Variants in SNX27 observed in about 807,000 individuals in gnomAD.
SNX27 encodes sorting nexin 27.
SNX27 carries 22 observed loss-of-function variants against 71.6 expected under a neutral mutation model. The observed-to-expected ratio is 0.31, with a 90% CI of 0.22 to 0.44. SNX27 has a LOEUF of 0.44. Among genes scored for constraint, SNX27 ranks in the 20% least tolerant of loss-of-function variants. The pLI is 1.00. For synonymous variants in SNX27, 269 were observed against 277.2 expected, an observed-to-expected ratio of 0.97 and a Z score of 0.29; for missense variants, 531 against 698.6, an observed-to-expected ratio of 0.76 and a Z score of 2.70.
At chr1:151,689,042 C>G (rs1671319890) in intron 8 of SNX27, among the ~76,000 whole-genome samples, 3 of 152,084 alleles carry the variant, frequency 2.0e-5, no homozygotes, top group Admixed American at 2.0e-4. Flanking sequence ...AAGAAGTCCC[C>G]TGAAGGTCTT....
chr1:151,683,625 C>T (rs1466144243), intron 8 of SNX27, among the ~76,000 whole-genome samples, 180 bp downstream of exon 8: 1 of 133,142 alleles, frequency 7.5e-6, no homozygotes, highest in Non-Finnish European at 1.5e-5. Context: ...ACACAAAGAT[C>T]TTGAATTACT....
intron 7 of SNX27, among the ~76,000 whole-genome samples, chr1:151,681,811 T>C (rs1163161180): frequency 6.6e-6 from 1 of 152,240 alleles, no homozygotes; most frequent in East Asian, 1.9e-4. Flanking sequence ...AATCTAGTGT[T>C]AGTCTGCCTA....
intron 8 of SNX27, among the ~76,000 whole-genome samples, chr1:151,690,441 A>AT (rs1325159797): frequency 3.3e-5 from 5 of 151,596 alleles, no homozygotes; most frequent in Non-Finnish European, 5.9e-5. Context: ...TATCTTTTTT[A>AT]TTTTTATTTC....
intron 7 of SNX27, among the ~76,000 whole-genome samples, chr1:151,681,600 G>A (rs1437488831): frequency 6.6e-6 from 1 of 151,984 alleles, no homozygotes; most frequent in Non-Finnish European, 1.5e-5. Context: ...AAAATACTCT[G>A]GGAAATGCTT....
rs1326825451 is a variant in SNX27, at chr1:151,660,826, T to A, written c.765T>A (p.Ser255Arg). 1 of 1,613,056 alleles carries A rather than the reference T, an allele frequency of 6.2e-7. No individual in the cohort carries two copies. Residue 255 changes from serine (S) to arginine (R), a missense_variant, in exon 4 of 12, where the codon AGT (serine) becomes AGA (arginine). Physicochemically the swap from Ser to Arg is moderately radical, Grantham distance 110. This residue lies in a region of SNX27 where 184 missense variants were observed against 289.6 expected (regional missense o/e 0.64). Transcript: ENST00000458013. ...GTTCAATACGAGTAATTGGTGAGAG[T>A]GACATCATGCAGGAATTCCTATCAG... ...KVCSIRVIGESDIMQEFLSES... is the reference protein window; with the variant it reads ...KVCSIRVIGERDIMQEFLSES...
At chr1:151,683,314 A>AT in intron 7 of SNX27, 42 bp from the exon 8 acceptor site, 2 of 1,507,432 alleles carry the variant, frequency 1.3e-6, no homozygotes, top group Non-Finnish European at 1.8e-6. Flanking sequence ...CATAATAATG[A>AT]TTTTTACACT....
intron 1 of SNX27, among the ~76,000 whole-genome samples, chr1:151,615,350 CTCTTT>C (rs1343336653): frequency 6.6e-6 from 1 of 151,998 alleles, no homozygotes; most frequent in Non-Finnish European, 1.5e-5. Flanking sequence ...CAGTGTCTTT[CTCTTT>C]TCTTTTTTTT....
At chr1:151,693,624 G>A in intron 11 of SNX27, 141 bp downstream of exon 11, 2 of 1,613,780 alleles carry the variant, frequency 1.2e-6, no homozygotes, top group Non-Finnish European at 1.7e-6. Context: ...TATCTCATGT[G>A]AGCCAGGACA....
rs529482243 is a variant in SNX27 at position 151,656,049 on chromosome 1, C to T, written c.544-2186C>T. 5.5e-4 allele frequency among the ~76,000 whole-genome samples: 83 copies of T among 152,104 alleles called. 2 individuals carry two copies. The highest frequency in any genetic ancestry group is 2.0e-3 in the African/African-American group (82 of 41,516). ...CCATCCTGGCTAACACGGTGAAACC[C>T]CGTCTCTACTAAAAATACAAAAAAT... On this transcript the variant is annotated intron_variant, in intron 2 of 11. Transcript: ENST00000458013.
chr1:151,667,088 A>C (rs1214690437), intron 6 of SNX27: 1 of 151,756 alleles, frequency 6.6e-6, no homozygotes, highest in South Asian at 2.1e-4. Context: ...TGCCATCTCT[A>C]AAAAAATTTT....
At chr1:151,628,628 A>G (rs569033237) in intron 1 of SNX27, among the ~76,000 whole-genome samples, 3 of 152,260 alleles carry the variant, frequency 2.0e-5, no homozygotes, top group South Asian at 4.1e-4. Flanking sequence ...GTTGCTCCAC[A>G]TCCTCACCAG....
At position 151,658,308 on chromosome 1, in the gene SNX27, A is replaced by G. The variant is rs1432259862; in HGVS notation, c.617A>G (p.Asn206Ser). The change falls in exon 3 of 12, where the codon AAC (asparagine) becomes AGC (serine). Residue 206 changes from asparagine to serine, a missense_variant. Asn to Ser is a conservative substitution (Grantham distance 46). Around this residue, in one of 5 missense-constraint regions of SNX27, gnomAD observed 184 missense variants for 289.6 expected, o/e 0.64. Coordinates refer to ENST00000458013, the MANE Select transcript of SNX27 (RefSeq NM_001330723.2). ...CGGGAGTTTGCTATCCTACACCAGA[A>G]CCTGAAGAGAGAGTTTGCCAACTTT... ...RYREFAILHQ[N>S]LKREFANFTF... 1 of 1,614,150 alleles carries G rather than the reference A, an allele frequency of 6.2e-7. No individual in the cohort carries two copies. Among genetic ancestry groups the G allele is most frequent in the Non-Finnish European group, 8.5e-7 (1 of 1,180,020 alleles).
At chr1:151,634,863 C>T (rs933278885) in intron 1 of SNX27, among the ~76,000 whole-genome samples, 11 of 152,086 alleles carry the variant, frequency 7.2e-5, no homozygotes, top group Non-Finnish European at 1.6e-4. Flanking sequence ...TTTGCTTAAT[C>T]GCATATGTGT....
intron 1 of SNX27, among the ~76,000 whole-genome samples, chr1:151,622,284 GA>G (rs1043411672): frequency 1.3e-5 from 2 of 152,050 alleles, no homozygotes; most frequent in African/African-American, 4.8e-5. Context: ...TGTCATGATA[GA>G]TTACACTATC....
intron 1 of SNX27, among the ~76,000 whole-genome samples, chr1:151,618,329 T>G (rs1054051260): frequency 1.3e-5 from 2 of 152,224 alleles, no homozygotes; most frequent in Non-Finnish European, 2.9e-5. Flanking sequence ...TATTGCTATC[T>G]TTACCCTGTT....
chr1:151,640,164 G>T (rs1048790133), intron 2 of SNX27, among the ~76,000 whole-genome samples: 1 of 152,104 alleles, frequency 6.6e-6, no homozygotes, highest in Admixed American at 6.5e-5. Flanking sequence ...TTTCAGCATG[G>T]ACTTCTGTAG....
intron 7 of SNX27, among the ~76,000 whole-genome samples, chr1:151,669,556 C>G (rs1009105307): frequency 6.6e-6 from 1 of 152,172 alleles, no homozygotes; most frequent in Admixed American, 6.5e-5. Flanking sequence ...TGTGGAGTCT[C>G]TTCCTCTATC....
chr1:151,612,067 C>T lies in SNX27; in HGVS notation c.-135C>T. On this transcript the variant is annotated 5_prime_UTR_variant, in exon 1 of 12. Transcript: ENST00000458013. The surrounding 1 kb of genome is among the most constrained non-coding windows in gnomAD (Gnocchi z 5.2). The stretch of plus-strand genomic sequence containing the variant: ...TCCTCTTCACCCCGCGCCAGCAGCT[C>T]GGTGGCCGAGTCGGTCCCGCGGCCG... 2.0e-6 allele frequency: 2 copies of T among 1,005,896 alleles called. No individual in the cohort carries two copies. The highest frequency in any genetic ancestry group is 2.6e-6 in the Non-Finnish European group (2 of 763,236). The allele number at this position is 1,005,896 out of a possible 1,614,324, so 62.3% of individuals were successfully genotyped here.
Position 151,641,682 on chromosome 1 carries a change from C to A in SNX27, c.543+2563C>A, listed in dbSNP as rs12039257. On this transcript the variant is annotated intron_variant, in intron 2 of 11. Coordinates refer to ENST00000458013, the MANE Select transcript of SNX27 (RefSeq NM_001330723.2). Reference sequence around the variant, plus strand: ...TATCAGATATATATATCATATATATCTGATATATATATCATATATATGATA... The same window carrying A: ...TATCAGATATATATATCATATATATATGATATATATATCATATATATGATA... Among the ~76,000 whole-genome samples the A allele has an allele frequency of 0.024, 2,955 of 123,872 alleles. 357 individuals carry two copies. The East Asian group carries it at 0.32, about 13-fold the overall frequency. 81.3% of individuals were successfully genotyped at this position (123,872 alleles called of 152,430 possible). A position where few individuals can be genotyped will look rare whatever the true frequency, so the allele number is the denominator to read the frequency against.
Sources: allele counts gnomAD v4.1 joint callset (sites outside exome capture counted in the v4.1 genomes callset), GRCh38; gene constraint gnomAD v4.1.1; regional missense constraint gnomAD v4.1.1; non-coding constraint Gnocchi (gnomAD v3.1); transcripts MANE v1.5; gene names NCBI Gene and HGNC (gene_info 2026-07-23, HGNC 2026-07-21).